The following TCP1 variants were observed in gnomAD, a reference collection of about 807,000 sequenced individuals.
TCP1 encodes the protein t-complex 1.
In TCP1, 6 loss-of-function variants were observed where a neutral mutation model predicts 54.7. That is an observed-to-expected ratio of 0.11 (90% CI 0.06 to 0.22). The LOEUF (loss-of-function observed/expected upper bound fraction) is 0.22. Among genes scored for constraint, TCP1 ranks in the 10% least tolerant of loss-of-function variants. The pLI is 1.00. For synonymous variants in TCP1, 225 were observed against 229.7 expected (o/e 0.98, Z 0.19); for missense variants, 511 against 678.2 (o/e 0.75, Z 2.74).
chr6:159,784,368 G>A (rs145694227), intron 6 of TCP1, among the ~76,000 whole-genome samples: 4 of 150,670 alleles, frequency 2.7e-5, no homozygotes, highest in African/African-American at 4.9e-5. Context: ...GCAGTGGTGT[G>A]ATCTTGGCTC....
At chr6:159,787,082 A>G (rs13362676) in intron 3 of TCP1, among the ~76,000 whole-genome samples, 42 of 104,938 alleles carry the variant, frequency 4.0e-4, no homozygotes, top group East Asian at 2.1e-3. Context: ...GTCTCTTAAA[A>G]AAAAAAAAAA....
Position 159,779,617 on chromosome 6 carries a change from C to T in TCP1, c.1454+10G>A. 6.3e-7 allele frequency: 1 copy of T among 1,592,596 alleles called. No individual in the cohort carries two copies. Among genetic ancestry groups the T allele is most frequent in the East Asian group, 2.2e-5 (1 of 44,808 alleles). ...GCAGAGGTTAACAAAGAGCGGGAAA[C>T]CATGCTTACCATTTTAGATTTTTAC... On this transcript the variant is annotated intron_variant, in intron 11 of 11. Transcript: ENST00000321394.
chr6:159,787,879 A>C lies in TCP1; in HGVS notation c.151-8T>G, dbSNP rs1416031950. On this transcript the variant is annotated splice_region_variant and splice_polypyrimidine_tract_variant and intron_variant, in intron 2 of 11. Transcript: ENST00000321394. ...GTTAGTAATGGTTACATCCTAAGAA[A>C]TTCGCAGGAAAAAATATGAACCACT... The C allele has an allele frequency of 6.2e-7, 1 of 1,613,376 alleles. No individual in the cohort carries two copies.
chr6:159,789,464 T>C lies in TCP1; in HGVS notation c.5A>G (p.Glu2Gly). 1 of 1,613,056 alleles carries C rather than the reference T, an allele frequency of 6.2e-7. No homozygotes were observed. Residue 2 changes from glutamate to glycine, a missense_variant, in exon 1 of 12, where the codon GAG (glutamate) becomes GGG (glycine). Physicochemically the swap from Glu to Gly is moderately conservative, Grantham distance 98. Transcript: ENST00000321394. ...GTCACCGAACACGGACAAAGGCCCC[T>C]CCATCTTGACGGCAGCGATACACGT... M[E>G]GPLSVFGDRS... is the part of the protein sequence containing the mutation.
chr6:159,779,999 G>C lies in TCP1; in HGVS notation c.1186C>G (p.Leu396Val), dbSNP rs979675977. 2.5e-6 allele frequency: 4 copies of C among 1,613,958 alleles called. No homozygotes were observed. In the Admixed American group the frequency reaches 5.0e-5, roughly 20 times the overall value. The part of the protein sequence containing the change: ...DEMERSLHDA[L>V]CVVKRVLESK... The stretch of plus-strand genomic sequence containing the variant: ...TCCAAAACTCTCTTCACTACACAAA[G>C]TGCATCATGTAAAGAGCGCTCCATC... The change falls in exon 10 of 12, where the codon CTT becomes GTT. Residue 396 changes from leucine to valine, a missense_variant. This residue lies in a region of TCP1 where 305 missense variants were observed against 352.8 expected (regional missense o/e 0.86). Coordinates refer to ENST00000321394, the MANE Select transcript of TCP1 (RefSeq NM_030752.3).
At chr6:159,781,299 C>T (rs1162147557) in intron 7 of TCP1, among the ~76,000 whole-genome samples, 189 bp from the exon 8 acceptor site, 1 of 152,206 alleles carries the variant, frequency 6.6e-6, no homozygotes, top group Admixed American at 6.5e-5. Flanking sequence ...TAGCTCTCCC[C>T]AACCCAAATT....
chr6:159,782,559 G>C (rs893116365), intron 7 of TCP1, among the ~76,000 whole-genome samples: 6 of 152,134 alleles, frequency 3.9e-5, no homozygotes, highest in Non-Finnish European at 8.8e-5. Context: ...AAAAAGTGTT[G>C]GTAAAAAGGA....
chr6:159,786,165 A>C (rs1409880352), intron 3 of TCP1, 168 bp from the exon 4 acceptor site: 4 of 556,230 alleles, frequency 7.2e-6, no homozygotes, highest in South Asian at 2.6e-5. Context: ...GCTACAAAAC[A>C]CTCCAAGTCC....
At chr6:159,788,356 G>A (rs950031435) in intron 1 of TCP1, 82 of 489,756 alleles carry the variant, frequency 1.7e-4, no homozygotes, top group Non-Finnish European at 2.9e-4. Context: ...GCGAGGCCGA[G>A]GCAGGAGGAT....
chr6:159,780,263 C>T (rs2295901), intron 9 of TCP1, 176 bp from the exon 10 acceptor site: 4 of 1,219,230 alleles, frequency 3.3e-6, no homozygotes, highest in Non-Finnish European at 4.8e-6. Context: ...TGTCTAGTCC[C>T]TGCAGAAGAG....
chr6:159,786,520 T>C (rs936278887), intron 3 of TCP1, among the ~76,000 whole-genome samples: 3 of 152,234 alleles, frequency 2.0e-5, no homozygotes, highest in Admixed American at 6.5e-5. Context: ...AGTGTGACTA[T>C]TCATATGACC....
At chr6:159,783,041 T>C (rs1038044861) in intron 7 of TCP1, among the ~76,000 whole-genome samples, 1 of 152,194 alleles carries the variant, frequency 6.6e-6, no homozygotes, top group African/African-American at 2.4e-5. Flanking sequence ...AAACCACTCA[T>C]GACATCTGCC....
At chr6:159,787,240 G>A (rs1288473995) in intron 3 of TCP1, among the ~76,000 whole-genome samples, 2 of 151,966 alleles carry the variant, frequency 1.3e-5, no homozygotes, top group Non-Finnish European at 2.9e-5. Context: ...TGCTACAGAT[G>A]GTCTCTTAAA....
At chr6:159,786,546 T>C (rs1426457403) in intron 3 of TCP1, among the ~76,000 whole-genome samples, 1 of 152,234 alleles carries the variant, frequency 6.6e-6, no homozygotes, top group Non-Finnish European at 1.5e-5. Context: ...TAAGCTATTA[T>C]TTTATTTAAA....
intron 3 of TCP1, among the ~76,000 whole-genome samples, chr6:159,787,469 C>T (rs1258841644): frequency 6.6e-6 from 1 of 152,120 alleles, no homozygotes; most frequent in Non-Finnish European, 1.5e-5. Context: ...AACAATGGGG[C>T]TATGTCAAAT....
intron 7 of TCP1, among the ~76,000 whole-genome samples, chr6:159,783,191 C>T (rs1357004749): frequency 6.6e-6 from 1 of 152,092 alleles, no homozygotes; most frequent in Non-Finnish European, 1.5e-5. Context: ...AAAGAAAAGG[C>T]TCTAGAGCAG....
chr6:159,779,923 A>G lies in TCP1; in HGVS notation c.1262T>C (p.Ile421Thr). 1 of 1,614,136 alleles carries G rather than the reference A, an allele frequency of 6.2e-7. No homozygotes were observed. The highest frequency in any genetic ancestry group is 8.5e-7 in the Non-Finnish European group (1 of 1,180,032). ...GGGAVEAALSIYLENYATSMG... is the reference protein window; with the variant it reads ...GGGAVEAALSTYLENYATSMG... ...GCTGGTTGCATAGTTTTCAAGGTAT[A>G]TGGAAAGGGCTGCTTCTACAGCACC... is the stretch of plus-strand genomic sequence containing the variant. The change falls in exon 10 of 12, where the codon ATA becomes ACA. Residue 421 changes from isoleucine to threonine, a missense_variant. Around this residue, in one of 5 missense-constraint regions of TCP1, gnomAD observed 88 missense variants for 153.1 expected, o/e 0.57. Transcript: ENST00000321394.
chr6:159,785,277 C>T (rs1260274358), intron 5 of TCP1, 109 bp downstream of exon 5: 2 of 832,460 alleles, frequency 2.4e-6, no homozygotes, highest in African/African-American at 3.4e-5. Flanking sequence ...AATTAATACT[C>T]CTACCTCAGC....
At chr6:159,789,158 G>A (rs1212995897) in intron 1 of TCP1, 3 of 496,432 alleles carry the variant, frequency 6.0e-6, no homozygotes, top group African/African-American at 4.1e-5. Context: ...CGCCGCCCCG[G>A]ACACCACATC....
Sources: gnomAD v4.1 joint callset for allele counts (sites outside exome capture counted in the v4.1 genomes callset) on GRCh38, gnomAD v4.1.1 for gene constraint, gnomAD v4.1.1 regional missense constraint, MANE v1.5 for transcripts, NCBI Gene and HGNC (gene_info 2026-07-23, HGNC 2026-07-21) for gene names.